The following SSRP1 variants were observed in gnomAD, a reference collection of about 807,000 sequenced individuals.
SSRP1 encodes FACT complex subunit SSRP1.
SSRP1 carries 21 observed loss-of-function variants against 84.4 expected under a neutral mutation model. The ratio of observed to expected loss-of-function variants is 0.25; its 90% confidence interval spans 0.18 to 0.36. The LOEUF (loss-of-function observed/expected upper bound fraction) is 0.36, where lower values mean the gene tolerates loss of function less well. Ranked by LOEUF, SSRP1 falls within the 10% of genes least tolerant of loss-of-function variation. The pLI is 1.00. For missense variants in SSRP1, 519 were observed against 900.8 expected, an observed-to-expected ratio of 0.58 and a Z score of 5.43; for synonymous variants, 319 against 318.3, an observed-to-expected ratio of 1.00 and a Z score of -0.02.
intron 8 of SSRP1, 108 bp from the exon 9 acceptor site, chr11:57,331,997 C>T: frequency 6.7e-7 from 1 of 1,492,474 alleles, no homozygotes. Flanking sequence ...GTAAACCTCA[C>T]TGAGCTGTTC....
intron 3 of SSRP1, 70 bp from the exon 4 acceptor site, chr11:57,333,610 G>A: frequency 8.8e-7 from 1 of 1,134,428 alleles, no homozygotes; most frequent in Non-Finnish European, 1.3e-6. Context: ...TGAATGTCCT[G>A]GGATTATCTA....
Position 57,332,405 on chromosome 11 carries a change from A to G in SSRP1, c.850T>C (p.Ser284Pro). The G allele has an allele frequency of 6.2e-7, 1 of 1,614,158 alleles. No individual in the cohort carries two copies. The highest frequency in any genetic ancestry group is 8.5e-7 in the Non-Finnish European group (1 of 1,180,028). The change falls in exon 7 of 17, where the codon TCG (serine) becomes CCG (proline). Residue 284 changes from serine (S) to proline (P), a missense_variant. Physicochemically the swap from Ser to Pro is moderately conservative, Grantham distance 74. Transcript: ENST00000278412. The surrounding 1 kb of genome is among the most constrained non-coding windows in gnomAD (Gnocchi z 5.5). ...ILLFSKDEDI[S>P]LTLNMNEEEV... ...CACTCGTTCATGTTCAGAGTCAACG[A>G]AATGTCCTCGTCCTTGGAGAAGAGG... is the stretch of plus-strand genomic sequence containing the variant.
Position 57,335,082 on chromosome 11 carries a change from C to A in SSRP1, c.40G>T (p.Val14Leu), listed in dbSNP as rs776365210. The A allele has an allele frequency of 2.5e-6, 4 of 1,614,050 alleles. No individual in the cohort carries two copies. The African/African-American group carries it at 4.0e-5, about 16-fold the overall frequency. Residue 14 changes from valine (V) to leucine (L), a missense_variant, in exon 2 of 17, where the codon GTG (valine) becomes TTG (leucine). Val to Leu is a conservative substitution (Grantham distance 32, BLOSUM62 1). Coordinates refer to ENST00000278412, the MANE Select transcript of SSRP1 (RefSeq NM_003146.3). This position sits in a 1 kb window ranked among gnomAD's most constrained non-coding sequence, Gnocchi z 4.6. Reference sequence around the variant, plus strand: ...GCCATTCTCACCATGGAACCTTTCACCTCCTGATAGACGTCGTTGAACTCC... The same window carrying A: ...GCCATTCTCACCATGGAACCTTTCAACTCCTGATAGACGTCGTTGAACTCC... ...TLEFNDVYQE[V>L]KGSMNDGRLR...
In SSRP1 at chr11:57,330,700, C is replaced by A; in HGVS notation, c.1296+155G>T. On this transcript the variant is annotated intron_variant, in intron 10 of 16. Transcript: ENST00000278412. This position sits in a 1 kb window ranked among gnomAD's most constrained non-coding sequence, Gnocchi z 4.0. ...CTGGTCTAAGGTCATGCAGAGGAAA[C>A]CTGCACCAGGAGGGGGAAAGGGTCA... 6.7e-7 allele frequency: 1 copy of A among 1,484,312 alleles called. No individual in the cohort carries two copies. 91.9% of individuals were successfully genotyped at this position (1,484,312 alleles called of 1,614,324 possible). A position where few individuals can be genotyped will look rare whatever the true frequency, so the allele number is the denominator to read the frequency against.
rs1486976521 is a variant in SSRP1 at position 57,333,544 on chromosome 11, T to C, written c.241-4A>G. ...AATCAGAGAGTTTCTCAAACTCCTG[T>C]GGGTGGAGGGAAGAAAGCACAATCC... On this transcript the variant is annotated splice_region_variant and splice_polypyrimidine_tract_variant and intron_variant, in intron 3 of 16. Transcript: ENST00000278412. 5 of 1,609,212 alleles carry C rather than the reference T, an allele frequency of 3.1e-6. No homozygotes were observed. The highest frequency in any genetic ancestry group is 4.3e-6 in the Non-Finnish European group (5 of 1,176,006).
chr11:57,326,877 C>T lies in SSRP1; in HGVS notation c.1884G>A (p.Lys628=). 6.2e-7 allele frequency: 1 copy of T among 1,607,062 alleles called. No homozygotes were observed. Among genetic ancestry groups the T allele is most frequent in the Non-Finnish European group, 8.5e-7 (1 of 1,176,278 alleles). ...TCTTTACCTTTACTTTCTTCTTCTT[C>T]TTTGACTTGTCCCTGTATTGGCAAG... ...RGESSKRDKS[K]KKKKVKVKME... is the part of the protein sequence containing the mutation. Residue 628 remains lysine, a synonymous_variant, in exon 16 of 17, where the codon AAG becomes AAA. Coordinates refer to ENST00000278412, the MANE Select transcript of SSRP1 (RefSeq NM_003146.3).
chr11:57,330,857 C>G lies in SSRP1; in HGVS notation c.1294G>C (p.Glu432Gln). Residue 432 changes from glutamate to glutamine, a missense_variant and splice_region_variant, in exon 10 of 17, where the codon GAG becomes CAG. Glu to Gln is a conservative substitution (Grantham distance 29, BLOSUM62 2). Coordinates refer to ENST00000278412, the MANE Select transcript of SSRP1 (RefSeq NM_003146.3). This position sits in a 1 kb window ranked among gnomAD's most constrained non-coding sequence, Gnocchi z 4.0. ...TCATCCTCCCCACACAGAAGTACCT[C>G]TTTCAATCCTCGGTTTTTGATGTTG... The part of the protein sequence containing the change: ...KLNIKNRGLK[E>Q]GMNPSYDEYA... 6.2e-7 allele frequency: 1 copy of G among 1,614,252 alleles called. No individual in the cohort carries two copies. The highest frequency in any genetic ancestry group is 8.5e-7 in the Non-Finnish European group (1 of 1,180,044).
intron 14 of SSRP1, 32 bp from the exon 15 acceptor site, chr11:57,327,546 A>T (rs779731129): frequency 6.2e-7 from 1 of 1,613,248 alleles, no homozygotes; most frequent in Admixed American, 1.7e-5. Context: ...ACAGTTAAGA[A>T]TAAGACCTCT....
chr11:57,328,642 T>C, intron 12 of SSRP1: 2 of 563,152 alleles, frequency 3.6e-6, no homozygotes, highest in Non-Finnish European at 5.9e-6. Context: ...AGCAATTGGT[T>C]ACTTGATTGG....
chr11:57,330,719 A>G lies in SSRP1; in HGVS notation c.1296+136T>C, dbSNP rs1856072110. On this transcript the variant is annotated intron_variant, in intron 10 of 16. Transcript: ENST00000278412. This position sits in a 1 kb window ranked among gnomAD's most constrained non-coding sequence, Gnocchi z 4.0. ...AGGAAACCTGCACCAGGAGGGGGAAAGGGTCACACGCACCTCTTTTTTCTA... is the reference window on the plus strand; with the variant it reads ...AGGAAACCTGCACCAGGAGGGGGAAGGGGTCACACGCACCTCTTTTTTCTA... 1.3e-6 allele frequency: 2 copies of G among 1,504,366 alleles called. No homozygotes were observed. Among genetic ancestry groups the G allele is most frequent in the East Asian group, 4.9e-5 (2 of 41,084 alleles). The allele number at this position is 1,504,366 out of a possible 1,614,324, so 93.2% of individuals were successfully genotyped here. A position where few individuals can be genotyped will look rare whatever the true frequency, so the allele number is the denominator to read the frequency against.
chr11:57,335,270 G>GA lies in SSRP1; in HGVS notation c.-119-31dup, dbSNP rs1304973796. Reference sequence around the variant, plus strand: ...ATTCAAGAGGAAGACAGATAAGCATGAAAGACAGCACCTCGCTGTGCTCAC... The same window carrying GA: ...ATTCAAGAGGAAGACAGATAAGCATGAAAAGACAGCACCTCGCTGTGCTCAC... On this transcript the variant is annotated intron_variant, in intron 1 of 16. Coordinates refer to ENST00000278412, the MANE Select transcript of SSRP1 (RefSeq NM_003146.3). This position sits in a 1 kb window ranked among gnomAD's most constrained non-coding sequence, Gnocchi z 4.6. 9 of 785,190 alleles carry GA rather than the reference G, an allele frequency of 1.1e-5. No individual in the cohort carries two copies. Among genetic ancestry groups the GA allele is most frequent in the Non-Finnish European group, 1.8e-5 (8 of 452,250 alleles). 48.6% of individuals were successfully genotyped at this position (785,190 alleles called of 1,614,324 possible).
At position 57,334,742 on chromosome 11, in the gene SSRP1, A is replaced by C. The variant is rs1189047806; in HGVS notation, c.55-94T>G. 6.2e-6 allele frequency: 9 copies of C among 1,449,232 alleles called. No individual in the cohort carries two copies. In the East Asian group the frequency reaches 1.4e-4, roughly 22 times the overall value. The allele number at this position is 1,449,232 out of a possible 1,614,324, so 89.8% of individuals were successfully genotyped here. On this transcript the variant is annotated intron_variant, in intron 2 of 16. Transcript: ENST00000278412. The stretch of plus-strand genomic sequence containing the variant: ...TAACACACATTCCTGCTGCAAGTGG[A>C]CTGGCCAGATTATCAATGCAGGAGC...
chr11:57,334,800 A>T, intron 2 of SSRP1, 152 bp from the exon 3 acceptor site: 2 of 976,800 alleles, frequency 2.0e-6, no homozygotes, highest in Non-Finnish European at 3.0e-6. Context: ...TCTAGATTCT[A>T]AACCAGACTC....
intron 13 of SSRP1, 52 bp from the exon 14 acceptor site, chr11:57,327,934 T>C: frequency 6.3e-7 from 1 of 1,584,442 alleles, no homozygotes; most frequent in Non-Finnish European, 8.6e-7. Context: ...CCCATACATT[T>C]TCCCAAATAA....
intron 13 of SSRP1, 49 bp downstream of exon 13, chr11:57,328,247 GC>G: frequency 1.3e-6 from 2 of 1,594,110 alleles, no homozygotes; most frequent in Non-Finnish European, 1.7e-6. Flanking sequence ...TGCCTCCCAC[GC>G]CCCCCACCCA....
At chr11:57,328,216 G>C in intron 13 of SSRP1, 81 bp downstream of exon 13, 1 of 1,558,734 alleles carries the variant, frequency 6.4e-7, no homozygotes, top group Non-Finnish European at 8.7e-7. Flanking sequence ...ACTGGTGGTG[G>C]ACAGGAGAAG....
At chr11:57,327,256 T>C (rs1219420144) in intron 15 of SSRP1, 170 bp downstream of exon 15, 1 of 741,508 alleles carries the variant, frequency 1.3e-6, no homozygotes, top group Non-Finnish European at 2.3e-6. Context: ...GAATGCCCTA[T>C]TGTGTCACCC....
intron 2 of SSRP1, 118 bp downstream of exon 2, chr11:57,334,950 A>G (rs920307650): frequency 1.2e-5 from 15 of 1,225,812 alleles, no homozygotes; most frequent in African/African-American, 5.9e-5. Flanking sequence ...CTAGGTACAC[A>G]TTATACTGAG....
chr11:57,332,052 G>T lies in SSRP1; in HGVS notation c.1001+100C>A, dbSNP rs1856103269. ...TATTGTGACACAAGGTCCCATCCAGGCCTCTAGGAGGCCGCATTCCCATCT... is the reference window on the plus strand; with the variant it reads ...TATTGTGACACAAGGTCCCATCCAGTCCTCTAGGAGGCCGCATTCCCATCT... On this transcript the variant is annotated intron_variant, in intron 8 of 16. Coordinates refer to ENST00000278412, the MANE Select transcript of SSRP1 (RefSeq NM_003146.3). This position sits in a 1 kb window ranked among gnomAD's most constrained non-coding sequence, Gnocchi z 5.5. The T allele has an allele frequency of 6.3e-7, 1 of 1,580,790 alleles. No homozygotes were observed. Among genetic ancestry groups the T allele is most frequent in the Non-Finnish European group, 8.6e-7 (1 of 1,162,774 alleles).
Sources: gnomAD v4.1 joint callset for allele counts on GRCh38, gnomAD v4.1.1 for gene constraint, Gnocchi (gnomAD v3.1) non-coding constraint, MANE v1.5 for transcripts, NCBI Gene and HGNC (gene_info 2026-07-23, HGNC 2026-07-21) for gene names.